CALN1: variants seen among roughly 807,000 people sequenced by gnomAD.
CALN1 encodes the protein calneuron 1.
A neutral mutation model predicts 30.6 loss-of-function variants in CALN1; 17 were observed. That is an observed-to-expected ratio of 0.56 (90% CI 0.38 to 0.83). The LOEUF (loss-of-function observed/expected upper bound fraction) is 0.83, where lower values mean the gene tolerates loss of function less well. Ranked by LOEUF, CALN1 falls within the 40% of genes least tolerant of loss-of-function variation. The pLI is 0.00. For missense variants in CALN1, 291 were observed against 354.9 expected (o/e 0.82, Z 1.45); for synonymous variants, 156 against 131.4 (o/e 1.19, Z -1.28).
intron 3 of CALN1, among the ~76,000 whole-genome samples, chr7:72,145,485 T>A (rs895018426): frequency 6.6e-6 from 1 of 152,074 alleles, no homozygotes; most frequent in African/African-American, 2.4e-5. Context: ...ATTAATAGCC[T>A]ACCAACCAAA....
chr7:72,232,342 T>C (rs928660038), intron 3 of CALN1, among the ~76,000 whole-genome samples: 1 of 152,242 alleles, frequency 6.6e-6, no homozygotes, highest in African/African-American at 2.4e-5. Context: ...TTGTACGTGA[T>C]AATACTATTT....
the CALN1 span, among the ~76,000 whole-genome samples, chr7:72,463,113 T>TTTTA: frequency 3.9e-3 from 592 of 151,940 alleles, 3 homozygotes; most frequent in African/African-American, 0.012. Flanking sequence ...TGCTTTGCAT[T>TTTTA]TTTATTTATT....
intron 5 of CALN1, among the ~76,000 whole-genome samples, chr7:71,887,226 T>G (rs182540689): frequency 6.6e-6 from 1 of 152,166 alleles, no homozygotes; most frequent in African/African-American, 2.4e-5. Flanking sequence ...ACTCAAGTGT[T>G]TGGGCTTGAT....
chr7:72,403,418 G>C lies in CALN1; in HGVS notation c.-49C>G. 2 of 1,436,782 alleles carry C rather than the reference G, an allele frequency of 1.4e-6. No homozygotes were observed. The highest frequency in any genetic ancestry group is 1.9e-6 in the Non-Finnish European group (2 of 1,061,140). The allele number at this position is 1,436,782 out of a possible 1,614,324, so 89.0% of individuals were successfully genotyped here. On this transcript the variant is annotated 5_prime_UTR_variant, in exon 2 of 7. Transcript: ENST00000395275. ...AGAGAGAGTTAGAAGCTCATCAAAG[G>C]AACGTCAGCGAAGGCACTGAGACTC... is the stretch of plus-strand genomic sequence containing the variant.
At chr7:72,395,566 T>C (rs1027626618) in intron 2 of CALN1, among the ~76,000 whole-genome samples, 1 of 152,208 alleles carries the variant, frequency 6.6e-6, no homozygotes, top group Non-Finnish European at 1.5e-5. Context: ...TTTATTTATA[T>C]TGATGTTCTG....
intron 5 of CALN1, among the ~76,000 whole-genome samples, chr7:71,839,764 C>T (rs7794787): frequency 0.36 from 55,432 of 151,920 alleles, 10,944 homozygotes; most frequent in African/African-American, 0.53. Flanking sequence ...CTTCTTATGG[C>T]GGCATCTCAA....
At position 72,227,539 on chromosome 7, in the gene CALN1, CAAAAAAAAA is replaced by C. The variant is rs756184802; in HGVS notation, c.244+51138_244+51146del. Among the ~76,000 whole-genome samples, 3 of 83,396 alleles carry C rather than the reference CAAAAAAAAA, an allele frequency of 3.6e-5. No homozygotes were observed. The Admixed American group carries it at 3.7e-4, about 10-fold the overall frequency. The allele number at this position is 83,396 out of a possible 152,430, so 54.7% of individuals were successfully genotyped here. A position where few individuals can be genotyped will look rare whatever the true frequency, so the allele number is the denominator to read the frequency against. On this transcript the variant is annotated intron_variant, in intron 3 of 6. Coordinates refer to ENST00000395275, the MANE Select transcript of CALN1 (RefSeq NM_031468.4). ...TGGGTGACAGAGAAAGACTCCGTCT[CAAAAAAAAA>C]AGAAAAAAAAGAAAAAAGAAAAAAG...
At position 72,162,346 on chromosome 7, in the gene CALN1, C is replaced by G. The variant is rs189795284; in HGVS notation, c.245-56052G>C. ...ACAGATAACAGCAATAAATTCTAAA[C>G]AAAATATGGAAAATAAATATTTGAA... is the stretch of plus-strand genomic sequence containing the variant. On this transcript the variant is annotated intron_variant, in intron 3 of 6. Coordinates refer to ENST00000395275, the MANE Select transcript of CALN1 (RefSeq NM_031468.4). Among the ~76,000 whole-genome samples, 10 of 151,966 alleles carry G rather than the reference C, an allele frequency of 6.6e-5. No individual in the cohort carries two copies. In the East Asian group the frequency reaches 1.7e-3, roughly 26 times the overall value.
intron 3 of CALN1, among the ~76,000 whole-genome samples, chr7:72,187,253 C>T (rs1053590154): frequency 6.6e-6 from 1 of 152,080 alleles, no homozygotes; most frequent in Non-Finnish European, 1.5e-5. Context: ...GTTATCTCAG[C>T]CTTTCATCCT....
intron 2 of CALN1, among the ~76,000 whole-genome samples, chr7:72,355,907 G>A (rs182857668): frequency 1.5e-3 from 231 of 151,964 alleles, no homozygotes; most frequent in Middle Eastern, 3.4e-3. Flanking sequence ...ATTTTAAATG[G>A]GTGCATTTTA....
chr7:72,063,706 A>G (rs1363234888), intron 4 of CALN1, among the ~76,000 whole-genome samples: 1 of 152,192 alleles, frequency 6.6e-6, no homozygotes, highest in African/African-American at 2.4e-5. Flanking sequence ...AAAATCTGAA[A>G]TCAGAAATGC....
At chr7:72,337,311 C>T in intron 2 of CALN1, 1 of 983,986 alleles carries the variant, frequency 1.0e-6, no homozygotes, top group Non-Finnish European at 1.2e-6. Context: ...CCAGCTCCTC[C>T]GAGGGTCGGG....
chr7:71,919,908 C>T (rs990234270), intron 5 of CALN1, among the ~76,000 whole-genome samples: 3 of 152,240 alleles, frequency 2.0e-5, no homozygotes, highest in South Asian at 2.1e-4. Flanking sequence ...CAGTATTTCC[C>T]GATGTGTTCC....
intron 3 of CALN1, among the ~76,000 whole-genome samples, chr7:72,228,978 A>G (rs994862281): frequency 1.0e-4 from 15 of 148,122 alleles, no homozygotes; most frequent in African/African-American, 3.5e-4. Flanking sequence ...GGATCTCACT[A>G]TGTTGTCCAG....
intron 5 of CALN1, among the ~76,000 whole-genome samples, chr7:71,897,929 T>C (rs929189622): frequency 2.9e-5 from 4 of 136,198 alleles, no homozygotes; most frequent in Non-Finnish European, 4.6e-5. Context: ...CTTGAGAATG[T>C]TGTCAATCTA....
chr7:72,441,337 C>T (rs201956641), intron 1 of CALN1, among the ~76,000 whole-genome samples: 2 of 151,950 alleles, frequency 1.3e-5, no homozygotes, highest in East Asian at 3.9e-4. Flanking sequence ...GTGACTCATG[C>T]CTGTAATCCC....
chr7:72,145,552 G>A (rs62462828), intron 3 of CALN1, among the ~76,000 whole-genome samples: 41,294 of 151,988 alleles, frequency 0.27, 6,280 homozygotes, highest in Non-Finnish European at 0.35. Context: ...ACAAGGAGGA[G>A]CTGGTACCAT....
intron 5 of CALN1, among the ~76,000 whole-genome samples, chr7:71,847,756 G>GA (rs201463689): frequency 2.6e-5 from 3 of 115,932 alleles, no homozygotes; most frequent in Non-Finnish European, 5.7e-5. Context: ...GAAGAAAGAA[G>GA]AAAGAAGAAG....
intron 2 of CALN1, among the ~76,000 whole-genome samples, chr7:72,365,875 GT>G (rs1803848714): frequency 6.6e-6 from 1 of 152,190 alleles, no homozygotes; most frequent in Admixed American, 6.6e-5. Flanking sequence ...CTCTCGCCCA[GT>G]TGGTTAAATT....
Sources: gnomAD v4.1 joint callset for allele counts (sites outside exome capture counted in the v4.1 genomes callset) on GRCh38, gnomAD v4.1.1 for gene constraint, MANE v1.5 for transcripts, NCBI Gene and HGNC (gene_info 2026-07-23, HGNC 2026-07-21) for gene names.